YPEL2: variants seen among roughly 807,000 people sequenced by gnomAD.
YPEL2 encodes the protein protein yippee-like 2.
YPEL2 carries 2 observed loss-of-function variants against 19.1 expected under a neutral mutation model. The observed-to-expected ratio is 0.10, with a 90% CI of 0.04 to 0.33. The LOEUF is 0.33. YPEL2 is among the 10% of genes least tolerant of loss of function. The probability of loss-of-function intolerance (pLI) is 1.00; values close to 1 mark genes in which losing one functional copy is unlikely to be tolerated. For synonymous variants in YPEL2, 52 were observed against 50.0 expected (o/e 1.04, Z -0.17); for missense variants, 66 against 140.7 (o/e 0.47, Z 2.68).
intron 2 of YPEL2, among the ~76,000 whole-genome samples, chr17:59,387,712 A>G (rs7226341): frequency 0.31 from 47,175 of 152,186 alleles, 7,653 homozygotes; most frequent in Middle Eastern, 0.41. Context: ...CTTCATGAGC[A>G]TTTCTGTGAT....
intron 2 of YPEL2, among the ~76,000 whole-genome samples, chr17:59,368,093 T>G (rs2047879391): frequency 6.6e-6 from 1 of 151,364 alleles, no homozygotes; most frequent in Non-Finnish European, 1.5e-5. Context: ...GAAATTCTCT[T>G]TTTTTTTTGA....
chr17:59,338,271 G>A (rs1457766890), intron 1 of YPEL2, among the ~76,000 whole-genome samples: 2 of 152,178 alleles, frequency 1.3e-5, no homozygotes, highest in African/African-American at 4.8e-5. Context: ...GCAGATGGGT[G>A]CCACTGAGGC....
chr17:59,395,142 C>G (rs527333653), intron 4 of YPEL2, among the ~76,000 whole-genome samples: 3 of 152,226 alleles, frequency 2.0e-5, no homozygotes, highest in African/African-American at 7.2e-5. Flanking sequence ...CCTCCTTCCC[C>G]CCCAAACACA....
chr17:59,337,187 TTTTTTG>T (rs1245906469), intron 1 of YPEL2, among the ~76,000 whole-genome samples: 2 of 148,348 alleles, frequency 1.3e-5, no homozygotes, highest in African/African-American at 2.5e-5. Flanking sequence ...GAAATTCTTT[TTTTTTG>T]TTTTTTTTGT....
intron 2 of YPEL2, chr17:59,362,870 G>C (rs1404021200): frequency 6.6e-6 from 1 of 152,234 alleles, no homozygotes; most frequent in Non-Finnish European, 1.5e-5. Flanking sequence ...GTTTGCGTTT[G>C]GGGGCTGACT....
intron 2 of YPEL2, among the ~76,000 whole-genome samples, chr17:59,368,216 T>A (rs529200350): frequency 1.2e-3 from 182 of 152,252 alleles, no homozygotes; most frequent in African/African-American, 4.2e-3. Flanking sequence ...CCTGAGTAGC[T>A]GGGACTACAG....
At chr17:59,338,834 T>C (rs1241373254) in intron 1 of YPEL2, among the ~76,000 whole-genome samples, 1 of 152,198 alleles carries the variant, frequency 6.6e-6, no homozygotes, top group Non-Finnish European at 1.5e-5. Context: ...TTCATCGTCC[T>C]GCTAAAGGCC....
chr17:59,338,137 G>A (rs1272212212), intron 1 of YPEL2, among the ~76,000 whole-genome samples: 1 of 152,218 alleles, frequency 6.6e-6, no homozygotes, highest in Admixed American at 6.5e-5. Context: ...CTTAAAAGCA[G>A]TGTGTCTAGA....
chr17:59,383,020 A>G (rs1315707893), intron 2 of YPEL2, among the ~76,000 whole-genome samples: 1 of 152,234 alleles, frequency 6.6e-6, no homozygotes, highest in Admixed American at 6.5e-5. Context: ...AAATATGAAA[A>G]TGAACAAGGG....
chr17:59,336,522 AT>A (rs2047699490), intron 1 of YPEL2, among the ~76,000 whole-genome samples: 1 of 152,190 alleles, frequency 6.6e-6, no homozygotes, highest in African/African-American at 2.4e-5. Flanking sequence ...GACCTTGGCA[AT>A]CTACTAAAAT....
At chr17:59,376,502 G>A (rs1020722324) in intron 2 of YPEL2, among the ~76,000 whole-genome samples, 10 of 152,202 alleles carry the variant, frequency 6.6e-5, no homozygotes, top group African/African-American at 2.4e-4. Context: ...ACAGGTGTGA[G>A]CCACCATGTC....
rs980228928 is a variant in YPEL2 at position 59,399,469 on chromosome 17, G to A, written c.*2279G>A. ...CAATGTGCCACTGTTCTTCCTTGGG[G>A]ATGAGGCCTTTGACTGTTGGATGGA... On this transcript the variant is annotated 3_prime_UTR_variant, in exon 5 of 5. Coordinates refer to ENST00000312655, the MANE Select transcript of YPEL2 (RefSeq NM_001005404.4). 6.6e-6 allele frequency: 1 copy of A among 152,110 alleles called. No homozygotes were observed. Among genetic ancestry groups the A allele is most frequent in the Non-Finnish European group, 1.5e-5 (1 of 68,032 alleles). The allele number at this position is 152,110 out of a possible 1,614,324, so 9.4% of individuals were successfully genotyped here. A position where few individuals can be genotyped will look rare whatever the true frequency, so the allele number is the denominator to read the frequency against.
chr17:59,395,456 GT>G (rs1165433870), intron 4 of YPEL2, among the ~76,000 whole-genome samples: 3 of 152,196 alleles, frequency 2.0e-5, no homozygotes, highest in Non-Finnish European at 4.4e-5. Context: ...GATGACCAGT[GT>G]TTTTCAGAGA....
intron 4 of YPEL2, among the ~76,000 whole-genome samples, chr17:59,392,507 GTTT>G (rs3063116): frequency 8.7e-5 from 9 of 103,172 alleles, no homozygotes; most frequent in African/African-American, 2.9e-4. Context: ...CTCAGGGCAC[GTTT>G]TTTTTTTTTT....
chr17:59,348,712 A>G (rs2147938044), intron 1 of YPEL2, among the ~76,000 whole-genome samples: 1 of 152,262 alleles, frequency 6.6e-6, no homozygotes, highest in East Asian at 1.9e-4. Context: ...ATGTGCCCTG[A>G]GGCTTTTAAA....
intron 4 of YPEL2, among the ~76,000 whole-genome samples, chr17:59,394,982 A>C (rs923031226): frequency 1.6e-4 from 25 of 152,244 alleles, no homozygotes; most frequent in South Asian, 4.1e-4. Context: ...GCAGGCACTC[A>C]GCAGGCTGAG....
chr17:59,389,404 C>G lies in YPEL2; in HGVS notation c.206C>G (p.Thr69Arg). The G allele has an allele frequency of 6.2e-7, 1 of 1,614,096 alleles. No individual in the cohort carries two copies. Among genetic ancestry groups the G allele is most frequent in the Non-Finnish European group, 8.5e-7 (1 of 1,180,030 alleles). The change falls in exon 4 of 5, where the codon ACA becomes AGA. Residue 69 changes from threonine (T) to arginine (R), a missense_variant. Transcript: ENST00000312655. ...CGPAEERVLL[T>R]GLHAVADIYC... is the part of the protein sequence containing the mutation. ...CCTGCAGAAGAGCGAGTGTTGCTAA[C>G]AGGACTGCATGCAGTCGCAGACATT...
chr17:59,360,005 C>CT (rs1238439252), intron 2 of YPEL2, among the ~76,000 whole-genome samples: 2 of 152,098 alleles, frequency 1.3e-5, no homozygotes, highest in Non-Finnish European at 2.9e-5. Flanking sequence ...GTTCAAGAGA[C>CT]TCTCCTGCCT....
intron 1 of YPEL2, among the ~76,000 whole-genome samples, chr17:59,337,343 A>G (rs2047704797): frequency 6.6e-6 from 1 of 151,268 alleles, no homozygotes; most frequent in South Asian, 2.1e-4. Flanking sequence ...GCCCACCATC[A>G]CGCCCGGCTA....
Sources: allele counts gnomAD v4.1 joint callset (sites outside exome capture counted in the v4.1 genomes callset), GRCh38; gene constraint gnomAD v4.1.1; transcripts MANE v1.5; gene names NCBI Gene and HGNC (gene_info 2026-07-23, HGNC 2026-07-21).